The following ANXA7 variants were observed in gnomAD, a reference collection of about 807,000 sequenced individuals.
The protein encoded by ANXA7 is annexin A7, also known as annexin VII.
ANXA7 carries 55 observed loss-of-function variants against 64.9 expected under a neutral mutation model. The ratio of observed to expected loss-of-function variants is 0.85; its 90% CI spans 0.68 to 1.06. The LOEUF (loss-of-function observed/expected upper bound fraction) is 1.06, where lower values mean the gene tolerates loss of function less well. ANXA7 is among the 50% of genes least tolerant of loss of function. The probability of loss-of-function intolerance (pLI) is 0.00; values close to 1 mark genes in which losing one functional copy is unlikely to be tolerated. For missense variants in ANXA7, 548 were observed against 582.1 expected (o/e 0.94, Z 0.60); for synonymous variants, 200 against 192.4 (o/e 1.04, Z -0.33).
chr10:73,394,152 C>A (rs2055531955), intron 5 of ANXA7, among the ~76,000 whole-genome samples: 1 of 152,002 alleles, frequency 6.6e-6, no homozygotes, highest in African/African-American at 2.4e-5. Flanking sequence ...AAATCAAAAC[C>A]ACAATGAGAT....
Position 73,378,938 on chromosome 10 carries a change from C to G in ANXA7, c.1251G>C (p.Leu417=). The part of the protein sequence containing the change: ...MKGAGTDDST[L]VRIVVTRSEI... ...CACTTCGAGTGACCACAATCCGGACCAGGGTGGAGTCATCTGTGCCAGCAC... is the reference window on the plus strand; with the variant it reads ...CACTTCGAGTGACCACAATCCGGACGAGGGTGGAGTCATCTGTGCCAGCAC... The change falls in exon 12 of 13, where the codon CTG becomes CTC. Residue 417 remains leucine (L), a synonymous_variant. Transcript: ENST00000372921. The G allele has an allele frequency of 6.2e-7, 1 of 1,613,440 alleles. No individual in the cohort carries two copies. Among genetic ancestry groups the G allele is most frequent in the Non-Finnish European group, 8.5e-7 (1 of 1,179,664 alleles).
rs754219453 is a variant in ANXA7 at position 73,388,427 on chromosome 10, G to A, written c.436-13C>T. 1.2e-5 allele frequency: 19 copies of A among 1,597,422 alleles called. No individual in the cohort carries two copies. Among genetic ancestry groups the A allele is most frequent in the Non-Finnish European group, 1.4e-5 (16 of 1,165,704 alleles). On this transcript the variant is annotated splice_polypyrimidine_tract_variant and intron_variant, in intron 5 of 12. Transcript: ENST00000372921. ...TCACTGTGGCAGGCTGAAAATAAAA[G>A]GCATAAAATCCGTGTCAGCATTTCC...
At chr10:73,404,076 TTAATTC>T (rs1463352143) in intron 1 of ANXA7, among the ~76,000 whole-genome samples, 11 of 152,248 alleles carry the variant, frequency 7.2e-5, no homozygotes, top group Non-Finnish European at 1.6e-4. Flanking sequence ...TTGGCTTTTA[TTAATTC>T]ATTATAACAC....
chr10:73,398,110 G>C, intron 3 of ANXA7, 71 bp downstream of exon 3: 1 of 1,449,674 alleles, frequency 6.9e-7, no homozygotes, highest in Non-Finnish European at 9.4e-7. Flanking sequence ...CAGGAATGAA[G>C]AGGATAAAGG....
chr10:73,405,462 C>A (rs911834193), intron 1 of ANXA7, among the ~76,000 whole-genome samples: 2 of 151,986 alleles, frequency 1.3e-5, no homozygotes, highest in Non-Finnish European at 2.9e-5. Flanking sequence ...TTGCTTGAAC[C>A]CAGGAGGCAG....
At chr10:73,382,325 G>C (rs200920028) in intron 9 of ANXA7, among the ~76,000 whole-genome samples, 2 of 140,616 alleles carry the variant, frequency 1.4e-5, no homozygotes, top group African/African-American at 5.8e-5. Flanking sequence ...CATCATCTAA[G>C]TGTGCTTCTT....
rs528991239 is a variant in ANXA7 at position 73,405,029 on chromosome 10, G to C, written c.-1-4172C>G. On this transcript the variant is annotated intron_variant, in intron 1 of 12. Transcript: ENST00000372921. ...TTTGGGAGGCTGAGGAGATCACAAG[G>C]TCAGGACATTGAGGCCATCCACGCT... is the stretch of plus-strand genomic sequence containing the variant. 1.7e-3 allele frequency among the ~76,000 whole-genome samples: 251 copies of C among 151,880 alleles called. 1 individual carries two copies. Among genetic ancestry groups the C allele is most frequent in the African/African-American group, 5.8e-3 (242 of 41,454 alleles).
chr10:73,403,745 T>C (rs1356915337), intron 1 of ANXA7, among the ~76,000 whole-genome samples: 1 of 152,258 alleles, frequency 6.6e-6, no homozygotes, highest in Non-Finnish European at 1.5e-5. Flanking sequence ...AGAGGGGCTG[T>C]ACCAATTTGC....
chr10:73,395,595 C>A (rs2055556728), intron 5 of ANXA7, among the ~76,000 whole-genome samples: 1 of 152,176 alleles, frequency 6.6e-6, no homozygotes, highest in Non-Finnish European at 1.5e-5. Context: ...ACCAGCCTGG[C>A]CAACATGGTG....
intron 1 of ANXA7, among the ~76,000 whole-genome samples, chr10:73,413,783 G>T (rs573337659): frequency 2.0e-5 from 3 of 152,204 alleles, no homozygotes; most frequent in Non-Finnish European, 2.9e-5. Flanking sequence ...CCAAACGGAC[G>T]GAAGGGCTTC....
rs1362180352 is a variant in ANXA7 at position 73,376,066 on chromosome 10, T to A, written c.*29A>T. The A allele has an allele frequency of 6.6e-7, 1 of 1,510,996 alleles. No homozygotes were observed. Among genetic ancestry groups the A allele is most frequent in the African/African-American group, 1.4e-5 (1 of 70,258 alleles). 93.6% of individuals were successfully genotyped at this position (1,510,996 alleles called of 1,614,324 possible). A position where few individuals can be genotyped will look rare whatever the true frequency, so the allele number is the denominator to read the frequency against. On this transcript the variant is annotated 3_prime_UTR_variant, in exon 13 of 13. Transcript: ENST00000372921. ...GAAGGATAAGCTATGAATAGAAATT[T>A]TTTTTCATTAAAAAAAAAAAAATCC... is the stretch of plus-strand genomic sequence containing the variant.
intron 1 of ANXA7, among the ~76,000 whole-genome samples, chr10:73,411,397 C>G (rs1042541559): frequency 1.3e-5 from 2 of 152,154 alleles, no homozygotes; most frequent in African/African-American, 4.8e-5. Context: ...CCATATAATT[C>G]ATCCATGTAA....
chr10:73,388,407 G>C lies in ANXA7; in HGVS notation c.443C>G (p.Thr148Arg). 6.2e-7 allele frequency: 1 copy of C among 1,611,116 alleles called. No homozygotes were observed. Among genetic ancestry groups the C allele is most frequent in the Non-Finnish European group, 8.5e-7 (1 of 1,177,490 alleles). The change falls in exon 6 of 13, where the codon ACA becomes AGA. Residue 148 changes from threonine (T) to arginine (R), a missense_variant. By Grantham distance (71) the Thr-to-Arg change is moderately conservative (BLOSUM62 -1). Coordinates refer to ENST00000372921, the MANE Select transcript of ANXA7 (RefSeq NM_001156.5). ...AGTTCCTTGAGTGACCTGAGTCACT[G>C]TGGCAGGCTGAAAATAAAAGGCATA... ...GQPTYPSQPA[T>R]VTQVTQGTIR...
At chr10:73,388,587 C>A (rs1394751851) in intron 5 of ANXA7, among the ~76,000 whole-genome samples, 173 bp from the exon 6 acceptor site, 1 of 152,150 alleles carries the variant, frequency 6.6e-6, no homozygotes, top group African/African-American at 2.4e-5. Flanking sequence ...CAGGAAAGAC[C>A]TATCCCCCTT....
At chr10:73,402,673 A>G (rs949845523) in intron 1 of ANXA7, among the ~76,000 whole-genome samples, 1 of 152,228 alleles carries the variant, frequency 6.6e-6, no homozygotes, top group African/African-American at 2.4e-5. Context: ...AAAACAAGAT[A>G]TGTTCAGAAA....
At chr10:73,411,081 G>C (rs2055831032) in intron 1 of ANXA7, among the ~76,000 whole-genome samples, 1 of 152,170 alleles carries the variant, frequency 6.6e-6, no homozygotes, top group Non-Finnish European at 1.5e-5. Flanking sequence ...AGAAAATGTG[G>C]TATATATAAA....
At chr10:73,395,653 G>C (rs1471761827) in intron 5 of ANXA7, among the ~76,000 whole-genome samples, 1 of 152,082 alleles carries the variant, frequency 6.6e-6, no homozygotes, top group East Asian at 1.9e-4. Context: ...AGGTGTAGTG[G>C]CGTGCGCCTG....
chr10:73,403,958 T>A (rs989679718), intron 1 of ANXA7, among the ~76,000 whole-genome samples: 2 of 152,240 alleles, frequency 1.3e-5, no homozygotes, highest in African/African-American at 4.8e-5. Context: ...GGCAAAGCAT[T>A]TAGCAGTGCC....
Position 73,379,019 on chromosome 10 carries a change from C to G in ANXA7, c.1170G>C (p.Gln390His). Residue 390 changes from glutamine to histidine, a missense_variant, in exon 12 of 13, where the codon CAG (glutamine) becomes CAC (histidine). Transcript: ENST00000372921. ...AGAAGGCAGGGCGGTTCAGGGCACA[C>G]TGCACTGCAAGTTAGAGATGGTTGA... ...YVESGLKTIL[Q>H]CALNRPAFFA... is the part of the protein sequence containing the mutation. 6.2e-7 allele frequency: 1 copy of G among 1,606,496 alleles called. No individual in the cohort carries two copies. Among genetic ancestry groups the G allele is most frequent in the Admixed American group, 1.7e-5 (1 of 58,624 alleles).
Sources: gnomAD v4.1 joint callset for allele counts (sites outside exome capture counted in the v4.1 genomes callset) on GRCh38, gnomAD v4.1.1 for gene constraint, MANE v1.5 for transcripts, NCBI Gene and HGNC (gene_info 2026-07-23, HGNC 2026-07-21) for gene names.